HACD3: variants seen among roughly 807,000 people sequenced by gnomAD.
The protein encoded by HACD3 is 3-hydroxyacyl-CoA dehydratase 3.
Under a neutral mutation model 55.2 loss-of-function variants are expected in HACD3, and 30 were observed. The observed-to-expected ratio is 0.54, with a 90% CI of 0.41 to 0.74. The LOEUF (loss-of-function observed/expected upper bound fraction) is 0.74, where lower values mean the gene tolerates loss of function less well. Ranked by LOEUF, HACD3 falls within the 30% of genes least tolerant of loss-of-function variation. The pLI is 0.00. For missense variants in HACD3, 363 were observed against 440.1 expected (o/e 0.82, Z 1.57); for synonymous variants, 141 against 151.7 (o/e 0.93, Z 0.52).
chr15:65,562,746 T>A (rs1302221030), intron 5 of HACD3, 28 bp from the exon 6 acceptor site: 1 of 1,609,436 alleles, frequency 6.2e-7, no homozygotes, highest in Non-Finnish European at 8.5e-7. Flanking sequence ...TTGCTTTTAA[T>A]AGCTTACTGC....
chr15:65,570,133 A>G lies in HACD3; in HGVS notation c.703A>G (p.Met235Val), dbSNP rs372332781. The G allele has an allele frequency of 5.7e-5, 92 of 1,612,984 alleles. No individual in the cohort carries two copies. The highest frequency in any genetic ancestry group is 7.4e-5 in the Non-Finnish European group (87 of 1,179,374). Residue 235 changes from methionine (M) to valine (V), a missense_variant, in exon 8 of 11, where the codon ATG becomes GTG. Met to Val is a conservative substitution (Grantham distance 21). Coordinates refer to ENST00000261875, the MANE Select transcript of HACD3 (RefSeq NM_016395.4). ...NFILFIIFGT[M>V]EEMQNKAVVF... Reference sequence around the variant, plus strand: ...TATTTTGTTTATCATCTTTGGCACCATGGAAGAAATGCAGAACAAAGCTGT... The same window carrying G: ...TATTTTGTTTATCATCTTTGGCACCGTGGAAGAAATGCAGAACAAAGCTGT...
rs572824750 is a variant in HACD3 at position 65,574,071 on chromosome 15, T to C, written c.1012+1705T>C. 4.0e-4 allele frequency among the ~76,000 whole-genome samples: 61 copies of C among 152,354 alleles called. 1 individual carries two copies. The highest frequency in any genetic ancestry group is 1.4e-3 in the African/African-American group (58 of 41,582). On this transcript the variant is annotated intron_variant, in intron 10 of 10. Transcript: ENST00000261875. ...ACAGAAGGATGCAACAATAGTATATTAGTTCTCTATTGCTGTGTAACAAAT... is the reference window on the plus strand; with the variant it reads ...ACAGAAGGATGCAACAATAGTATATCAGTTCTCTATTGCTGTGTAACAAAT...
intron 6 of HACD3, among the ~76,000 whole-genome samples, chr15:65,563,590 G>T (rs536120412): frequency 3.8e-4 from 58 of 152,206 alleles, no homozygotes; most frequent in African/African-American, 1.4e-3. Context: ...GATCTCTTGC[G>T]CCCAGGAGGT....
chr15:65,560,536 G>A (rs1413290851), intron 5 of HACD3, among the ~76,000 whole-genome samples: 1 of 152,156 alleles, frequency 6.6e-6, no homozygotes, highest in African/African-American at 2.4e-5. Flanking sequence ...GATGGCTCAT[G>A]CCTCTAATCC....
intron 10 of HACD3, 146 bp downstream of exon 10, chr15:65,572,512 G>A: frequency 2.1e-6 from 2 of 945,310 alleles, no homozygotes; most frequent in Non-Finnish European, 3.0e-6. Flanking sequence ...ACCCACTAGG[G>A]GAATATGCTA....
At chr15:65,568,319 C>G (rs913952574) in intron 7 of HACD3, among the ~76,000 whole-genome samples, 2 of 151,548 alleles carry the variant, frequency 1.3e-5, no homozygotes, top group African/African-American at 4.8e-5. Context: ...TACCACTCAA[C>G]TAAACACTTA....
chr15:65,574,576 A>G (rs746356710), intron 10 of HACD3: 5 of 152,262 alleles, frequency 3.3e-5, no homozygotes, highest in African/African-American at 7.2e-5. Context: ...CAGAAAGCCC[A>G]GTGGTCTTGG....
intron 2 of HACD3, among the ~76,000 whole-genome samples, chr15:65,553,391 C>T (rs1044514809): frequency 6.6e-6 from 1 of 152,032 alleles, no homozygotes; most frequent in African/African-American, 2.4e-5. Flanking sequence ...CCTCTATCTG[C>T]CTTCTCCTCA....
chr15:65,565,401 G>T (rs1204760734), intron 7 of HACD3: 1 of 152,292 alleles, frequency 6.6e-6, no homozygotes, highest in Admixed American at 6.5e-5. Context: ...TTCTCCATGA[G>T]GGCCCCATCC....
At chr15:65,554,826 T>C (rs949502995) in intron 2 of HACD3, 61 bp from the exon 3 acceptor site, 2 of 1,197,690 alleles carry the variant, frequency 1.7e-6, no homozygotes, top group Non-Finnish European at 2.5e-6. Flanking sequence ...TGCACCAAGC[T>C]GGCTTTTGGA....
intron 9 of HACD3, 105 bp from the exon 10 acceptor site, chr15:65,572,130 C>A: frequency 6.9e-7 from 1 of 1,449,706 alleles, no homozygotes; most frequent in Non-Finnish European, 9.4e-7. Flanking sequence ...GAAAGCCTTT[C>A]CAGCACACCC....
intron 8 of HACD3, among the ~76,000 whole-genome samples, 154 bp from the exon 9 acceptor site, chr15:65,571,394 G>A (rs565551021): frequency 6.6e-6 from 1 of 152,316 alleles, no homozygotes; most frequent in East Asian, 1.9e-4. Flanking sequence ...GCGCAGTGTG[G>A]CAGGAGTTTA....
At position 65,562,771 on chromosome 15, in the gene HACD3, C is replaced by A. The variant is rs758884309; in HGVS notation, c.422-3C>A. On this transcript the variant is annotated splice_region_variant and splice_polypyrimidine_tract_variant and intron_variant, in intron 5 of 10. Transcript: ENST00000261875. ...TAGCTTACTGCTTTGCTTTGCTTTA[C>A]AGCTCTTACAAACTTAAGGAAAGGA... The A allele has an allele frequency of 1.2e-6, 2 of 1,613,216 alleles. No homozygotes were observed. The highest frequency in any genetic ancestry group is 1.7e-6 in the Non-Finnish European group (2 of 1,179,616).
At position 65,570,036 on chromosome 15, in the gene HACD3, A is replaced by G. The variant is rs12148860; in HGVS notation, c.661-55A>G. The stretch of plus-strand genomic sequence containing the variant: ...GTTAGATTTCAGATAACACATTTCT[A>G]TAACTTTACATATATTTTATTAACT... On this transcript the variant is annotated intron_variant, in intron 7 of 10. Transcript: ENST00000261875. The G allele has an allele frequency of 3.0e-3, 3,557 of 1,204,894 alleles. 9 individuals carry two copies. The highest frequency in any genetic ancestry group is 3.8e-3 in the Non-Finnish European group (3,216 of 850,066). The allele number at this position is 1,204,894 out of a possible 1,614,324, so 74.6% of individuals were successfully genotyped here.
intron 1 of HACD3, chr15:65,534,372 G>C (rs1278581847): frequency 1.3e-5 from 2 of 152,352 alleles, no homozygotes; most frequent in South Asian, 4.1e-4. Context: ...GAGAGAACAC[G>C]GCTGATGTGA....
chr15:65,572,596 A>G (rs1489685986), intron 10 of HACD3, among the ~76,000 whole-genome samples: 2 of 152,200 alleles, frequency 1.3e-5, no homozygotes, highest in African/African-American at 4.8e-5. Context: ...GTGATTGGGA[A>G]TATACCATAA....
In HACD3 at chr15:65,536,527, G is replaced by T. The variant is rs564319743; in HGVS notation, c.87+5809G>T. Among the ~76,000 whole-genome samples, 9 of 152,238 alleles carry T rather than the reference G, an allele frequency of 5.9e-5. No individual in the cohort carries two copies. In the South Asian group the frequency reaches 1.9e-3, roughly 32 times the overall value. On this transcript the variant is annotated intron_variant, in intron 1 of 10. Transcript: ENST00000261875. The stretch of plus-strand genomic sequence containing the variant: ...TGTAATCCCAGCACTTTGGGAGGCT[G>T]TGGTGGGTGTGTCACTTGAGGTCAG...
At chr15:65,536,475 A>G (rs2071956517) in intron 1 of HACD3, among the ~76,000 whole-genome samples, 1 of 150,890 alleles carries the variant, frequency 6.6e-6, no homozygotes. Flanking sequence ...TAACCCTACA[A>G]TGGGGTCGGG....
At chr15:65,555,176 T>C (rs970744832) in intron 3 of HACD3, among the ~76,000 whole-genome samples, 3 of 152,212 alleles carry the variant, frequency 2.0e-5, no homozygotes, top group Non-Finnish European at 4.4e-5. Context: ...TTATTAGCAG[T>C]GTGATCTTGA....
Sources: gnomAD v4.1 joint callset for allele counts (sites outside exome capture counted in the v4.1 genomes callset) on GRCh38, gnomAD v4.1.1 for gene constraint, MANE v1.5 for transcripts, NCBI Gene and HGNC (gene_info 2026-07-23, HGNC 2026-07-21) for gene names.